The following DNM2 variants were observed in gnomAD, a reference collection of about 807,000 sequenced individuals.
DNM2 encodes the protein dynamin 2.
Under a neutral mutation model 99.0 loss-of-function variants are expected in DNM2, and 15 were observed. That is an observed-to-expected ratio of 0.15 (90% confidence interval 0.10 to 0.23). The LOEUF (loss-of-function observed/expected upper bound fraction) is 0.23. Ranked by LOEUF, DNM2 falls within the 10% of genes least tolerant of loss-of-function variation. The pLI, the probability that DNM2 is intolerant of heterozygous loss-of-function variation, is 1.00. For missense variants in DNM2, 742 were observed against 1,189.4 expected (o/e 0.62, Z 5.53); for synonymous variants, 525 against 481.2 (o/e 1.09, Z -1.19).
rs1008445844 is a variant in DNM2 at position 10,831,894 on chromosome 19, G to A, written c.*847G>A. On this transcript the variant is annotated 3_prime_UTR_variant, in exon 21 of 21. Transcript: ENST00000389253. The surrounding 1 kb of genome is among the most constrained non-coding windows in gnomAD (Gnocchi z 4.3). ...TAATAAACTAAAATAAAGGGAAGACGCTGCTGGTGGCTGCTGTGTGGGCCT... is the reference window on the plus strand; with the variant it reads ...TAATAAACTAAAATAAAGGGAAGACACTGCTGGTGGCTGCTGTGTGGGCCT... 1.1e-5 allele frequency: 11 copies of A among 1,027,880 alleles called. No individual in the cohort carries two copies. Among genetic ancestry groups the A allele is most frequent in the East Asian group, 9.5e-5 (1 of 10,480 alleles). 63.7% of individuals were successfully genotyped at this position (1,027,880 alleles called of 1,614,324 possible). A position where few individuals can be genotyped will look rare whatever the true frequency, so the allele number is the denominator to read the frequency against.
At position 10,820,115 on chromosome 19, in the gene DNM2, G is replaced by A. The variant is rs368054350; in HGVS notation, c.1781+26G>A. On this transcript the variant is annotated intron_variant, in intron 16 of 20. Coordinates refer to ENST00000389253, the MANE Select transcript of DNM2 (RefSeq NM_001005361.3). This position sits in a 1 kb window ranked among gnomAD's most constrained non-coding sequence, Gnocchi z 4.3. Reference sequence around the variant, plus strand: ...GTGAGGGGCCCAGGGGCCTGGGGATGGCTCGGGGTGAAGACCAATGGCCTC... The same window carrying A: ...GTGAGGGGCCCAGGGGCCTGGGGATAGCTCGGGGTGAAGACCAATGGCCTC... 6 of 1,611,220 alleles carry A rather than the reference G, an allele frequency of 3.7e-6. No individual in the cohort carries two copies. The highest frequency in any genetic ancestry group is 5.1e-6 in the Non-Finnish European group (6 of 1,177,628).
At chr19:10,827,149 A>C (rs1052004513) in intron 18 of DNM2, among the ~76,000 whole-genome samples, 8 of 152,124 alleles carry the variant, frequency 5.3e-5, no homozygotes, top group African/African-American at 1.9e-4. Context: ...CATTCTCAGT[A>C]GTGATCAGTG....
In DNM2 at chr19:10,776,050, C is replaced by T. The variant is rs1342455757; in HGVS notation, c.589+144C>T. 18 of 1,078,636 alleles carry T rather than the reference C, an allele frequency of 1.7e-5. No homozygotes were observed. In the South Asian group the frequency reaches 1.9e-4, roughly 12 times the overall value. The allele number at this position is 1,078,636 out of a possible 1,614,324, so 66.8% of individuals were successfully genotyped here. On this transcript the variant is annotated intron_variant, in intron 4 of 20. Coordinates refer to ENST00000389253, the MANE Select transcript of DNM2 (RefSeq NM_001005361.3). ...GCCTCCTGGAACATGGCACTTCCTC[C>T]GAGAACCAGCAGTGCTGGTGGGCAT... is the stretch of plus-strand genomic sequence containing the variant.
At chr19:10,767,258 C>T (rs1286695180) in intron 2 of DNM2, among the ~76,000 whole-genome samples, 1 of 151,888 alleles carries the variant, frequency 6.6e-6, no homozygotes, top group East Asian at 1.9e-4. Flanking sequence ...AGCACTTGAG[C>T]GCATGCAGCG....
At chr19:10,759,927 C>A in intron 2 of DNM2, 116 bp downstream of exon 2, 1 of 1,378,652 alleles carries the variant, frequency 7.3e-7, no homozygotes, top group African/African-American at 1.4e-5. Flanking sequence ...ACATTGAATT[C>A]ACGTGTTCCA....
At chr19:10,788,836 A>G (rs890184901) in intron 7 of DNM2, among the ~76,000 whole-genome samples, 5 of 152,196 alleles carry the variant, frequency 3.3e-5, no homozygotes, top group Admixed American at 6.5e-5. Flanking sequence ...AGACAGTGCC[A>G]TGCATGAGGC....
intron 6 of DNM2, among the ~76,000 whole-genome samples, chr19:10,783,469 AAACTTAAAT>A (rs2071443377): frequency 6.6e-6 from 1 of 152,058 alleles, no homozygotes; most frequent in South Asian, 2.1e-4. Context: ...CCTGTTTCAA[AAACTTAAAT>A]AACTAAATAA....
intron 12 of DNM2, among the ~76,000 whole-genome samples, chr19:10,804,796 C>G (rs2072276739): frequency 6.6e-6 from 1 of 152,186 alleles, no homozygotes; most frequent in Non-Finnish European, 1.5e-5. Context: ...AGTTTTCCAG[C>G]CTTTCCTGAT....
chr19:10,735,033 G>T (rs2069472218), intron 1 of DNM2, among the ~76,000 whole-genome samples: 2 of 151,518 alleles, frequency 1.3e-5, no homozygotes, highest in African/African-American at 4.9e-5. Context: ...ATCTTTTTTT[G>T]TTTGTTTGTT....
rs573368340 is a variant in DNM2, at chr19:10,757,931, G to A, written c.162-1807G>A. ...GCACTCCAGCCTGGGCAACAAGAGC[G>A]AAGCTCTGTCTCAAAAAAAAAAAAA... On this transcript the variant is annotated intron_variant, in intron 1 of 20. Coordinates refer to ENST00000389253, the MANE Select transcript of DNM2 (RefSeq NM_001005361.3). 8.7e-5 allele frequency among the ~76,000 whole-genome samples: 11 copies of A among 126,944 alleles called. No individual in the cohort carries two copies. In the South Asian group the frequency reaches 9.8e-4, roughly 11 times the overall value. 83.3% of individuals were successfully genotyped at this position (126,944 alleles called of 152,430 possible).
chr19:10,814,785 C>T (rs969053414), intron 15 of DNM2, among the ~76,000 whole-genome samples: 2 of 152,132 alleles, frequency 1.3e-5, no homozygotes, highest in African/African-American at 4.8e-5. Flanking sequence ...ATTCATGTTG[C>T]TGCAAATGAC....
chr19:10,761,791 G>C (rs190912499), intron 2 of DNM2, among the ~76,000 whole-genome samples: 1 of 152,102 alleles, frequency 6.6e-6, no homozygotes, highest in African/African-American at 2.4e-5. Flanking sequence ...CTCTGGCCCC[G>C]CCCAACCTGG....
At position 10,798,299 on chromosome 19, in the gene DNM2, G is replaced by A. The variant is rs568831942; in HGVS notation, c.1336-187G>A. The A allele has an allele frequency of 7.6e-5, 47 of 616,970 alleles. No homozygotes were observed. In the South Asian group the frequency reaches 7.9e-4, roughly 10 times the overall value. 38.2% of individuals were successfully genotyped at this position (616,970 alleles called of 1,614,324 possible). ...TGCTCTCCTGCTGTCTCCGGTCCAC[G>A]GTGCCCCCACTCTTCTGCTCTTAGC... On this transcript the variant is annotated intron_variant, in intron 10 of 20. Transcript: ENST00000389253.
Position 10,808,564 on chromosome 19 carries a change from C to G in DNM2, c.1546-5C>G. 6.2e-7 allele frequency: 1 copy of G among 1,612,338 alleles called. No homozygotes were observed. Among genetic ancestry groups the G allele is most frequent in the Non-Finnish European group, 8.5e-7 (1 of 1,179,248 alleles). On this transcript the variant is annotated splice_polypyrimidine_tract_variant and splice_region_variant and intron_variant, in intron 13 of 20. Coordinates refer to ENST00000389253, the MANE Select transcript of DNM2 (RefSeq NM_001005361.3). Reference sequence around the variant, plus strand: ...ACCCACAACCCTAACTTTGCATATTCAAAGGGGGAGATCCTGGTAAGTACA... The same window carrying G: ...ACCCACAACCCTAACTTTGCATATTGAAAGGGGGAGATCCTGGTAAGTACA...
intron 1 of DNM2, among the ~76,000 whole-genome samples, chr19:10,738,108 G>A (rs1423553976): frequency 6.6e-6 from 1 of 152,064 alleles, no homozygotes; most frequent in Non-Finnish European, 1.5e-5. Context: ...ACAGAAGGAA[G>A]TAGGCCGGAC....
At chr19:10,799,781 G>T (rs1035273732) in intron 11 of DNM2, among the ~76,000 whole-genome samples, 2 of 151,140 alleles carry the variant, frequency 1.3e-5, no homozygotes, top group Admixed American at 1.3e-4. Context: ...TGATCTGCCC[G>T]CCTTGGCCTC....
chr19:10,746,256 C>T (rs928218595), intron 1 of DNM2, among the ~76,000 whole-genome samples: 6 of 149,902 alleles, frequency 4.0e-5, no homozygotes, highest in Non-Finnish European at 7.4e-5. Context: ...CTACCACGCC[C>T]GGCCTTTTTG....
At chr19:10,810,701 C>G (rs1312633276) in intron 14 of DNM2, 1 of 152,268 alleles carries the variant, frequency 6.6e-6, no homozygotes, top group African/African-American at 2.4e-5. Context: ...ATGGAGGCCT[C>G]ACATTTCTCT....
intron 3 of DNM2, among the ~76,000 whole-genome samples, chr19:10,773,337 TG>T (rs993949610): frequency 5.3e-5 from 8 of 151,938 alleles, no homozygotes; most frequent in African/African-American, 1.9e-4. Flanking sequence ...TTAGTAGAGA[TG>T]GGATTTCACC....
Sources: allele counts gnomAD v4.1 joint callset (sites outside exome capture counted in the v4.1 genomes callset), GRCh38; gene constraint gnomAD v4.1.1; non-coding constraint Gnocchi (gnomAD v3.1); transcripts MANE v1.5; gene names NCBI Gene and HGNC (gene_info 2026-07-23, HGNC 2026-07-21).